The following PDK2 variants were observed in gnomAD, a reference collection of about 807,000 sequenced individuals.
PDK2 encodes pyruvate dehydrogenase kinase, isozyme 2.
A neutral mutation model predicts 50.4 loss-of-function variants in PDK2; 34 were observed. That is an observed-to-expected ratio of 0.68 (90% CI 0.51 to 0.90). The LOEUF (loss-of-function observed/expected upper bound fraction) is 0.90. Ranked by LOEUF, PDK2 falls within the 40% of genes least tolerant of loss-of-function variation. The pLI, the probability that PDK2 is intolerant of heterozygous loss-of-function variation, is 0.00. For synonymous variants in PDK2, 232 were observed against 216.0 expected (o/e 1.07, Z -0.65); for missense variants, 377 against 544.5 (o/e 0.69, Z 3.06).
chr17:50,095,566 C>A lies in PDK2; in HGVS notation c.118+13C>A, dbSNP rs1909889989. On this transcript the variant is annotated intron_variant, in intron 1 of 10. Coordinates refer to ENST00000503176, the MANE Select transcript of PDK2 (RefSeq NM_002611.5). ...TTTCTGGACTTCGGTACGGAGTGGG[C>A]GGGAGGCGGCTGGCAGCGGAGGCCG... 2 of 1,581,600 alleles carry A rather than the reference C, an allele frequency of 1.3e-6. No individual in the cohort carries two copies. Among genetic ancestry groups the A allele is most frequent in the South Asian group, 1.1e-5 (1 of 87,670 alleles).
At chr17:50,096,295 C>T (rs1049621670) in intron 1 of PDK2, 53 of 985,316 alleles carry the variant, frequency 5.4e-5, no homozygotes, top group South Asian at 4.7e-4. Context: ...AGGTCAGGAT[C>T]GCCCACTACC....
At position 50,095,380 on chromosome 17, in the gene PDK2, G is replaced by T. The variant is rs546276968; in HGVS notation, c.-56G>T. 2 of 1,329,976 alleles carry T rather than the reference G, an allele frequency of 1.5e-6. No individual in the cohort carries two copies. The highest frequency in any genetic ancestry group is 1.2e-5 in the South Asian group (1 of 80,622). 82.4% of individuals were successfully genotyped at this position (1,329,976 alleles called of 1,614,324 possible). A position where few individuals can be genotyped will look rare whatever the true frequency, so the allele number is the denominator to read the frequency against. The stretch of plus-strand genomic sequence containing the variant: ...GCCGAACCGCGTCGCTGGGCCGAAA[G>T]GTGCGCGAGCGCTGCCCGCGCGGGG... On this transcript the variant is annotated 5_prime_UTR_variant, in exon 1 of 11. It adds an upstream start codon to the 5' untranslated region. Transcript: ENST00000503176.
intron 6 of PDK2, 86 bp from the exon 7 acceptor site, chr17:50,108,070 T>A (rs1266382624): frequency 7.4e-6 from 8 of 1,082,270 alleles, no homozygotes; most frequent in Non-Finnish European, 4.2e-6. Flanking sequence ...CAGAACTTTG[T>A]GGGAGGGGGT....
chr17:50,108,122 GT>G (rs1193177842), intron 6 of PDK2, 33 bp from the exon 7 acceptor site: 2 of 1,560,330 alleles, frequency 1.3e-6, no homozygotes, highest in African/African-American at 2.7e-5. Flanking sequence ...CCTCCTGACG[GT>G]TTCCTGACCC....
chr17:50,097,735 C>A, intron 2 of PDK2, 171 bp downstream of exon 2: 1 of 654,592 alleles, frequency 1.5e-6, no homozygotes, highest in Non-Finnish European at 2.6e-6. Context: ...AATCTGAGGC[C>A]AGAGCAGGAC....
chr17:50,098,308 G>A (rs1441350641), intron 2 of PDK2, among the ~76,000 whole-genome samples: 1 of 152,186 alleles, frequency 6.6e-6, no homozygotes, highest in Non-Finnish European at 1.5e-5. Context: ...GTATGATATA[G>A]TTGTGATTTC....
chr17:50,095,318 T>A, upstream of PDK2: 1 of 654,392 alleles, frequency 1.5e-6, no homozygotes, highest in South Asian at 2.1e-5. Flanking sequence ...TGGCTGGGCG[T>A]TGGAATGCCC....
At chr17:50,097,332 C>T in intron 1 of PDK2, 91 bp from the exon 2 acceptor site, 2 of 1,363,428 alleles carry the variant, frequency 1.5e-6, no homozygotes, top group East Asian at 2.4e-5. Context: ...TCTGAGCCCC[C>T]TGTTAATGAA....
upstream of PDK2, chr17:50,095,300 G>T: frequency 5.0e-6 from 3 of 598,764 alleles, no homozygotes; most frequent in South Asian, 6.5e-5. Context: ...GCGCCATGAC[G>T]AGCCGATTGG....
At chr17:50,108,060 C>A in intron 6 of PDK2, 96 bp from the exon 7 acceptor site, 1 of 977,722 alleles carries the variant, frequency 1.0e-6, no homozygotes, top group Non-Finnish European at 1.6e-6. Flanking sequence ...GCCATGTACT[C>A]AGAACTTTGT....
At position 50,105,433 on chromosome 17, in the gene PDK2, C is replaced by T. The variant is rs1284623942; in HGVS notation, c.323C>T (p.Thr108Ile). The T allele has an allele frequency of 1.2e-6, 2 of 1,613,630 alleles. No homozygotes were observed. The highest frequency in any genetic ancestry group is 1.3e-5 in the African/African-American group (1 of 74,894). The change falls in exon 3 of 11, where the codon ACC becomes ATC. Residue 108 changes from threonine to isoleucine, a missense_variant. Transcript: ENST00000503176. Reference sequence around the variant, plus strand: ...GACAAGGATCCCGAGGACCATCGCACCCTGAGCCAGTGAGTGGGGGCCCTG... The same window carrying T: ...GACAAGGATCCCGAGGACCATCGCATCCTGAGCCAGTGAGTGGGGGCCCTG... ...FLDKDPEDHR[T>I]LSQFTDALVT...
At chr17:50,095,751 G>A (rs1909902159) in intron 1 of PDK2, 198 bp downstream of exon 1, 1 of 1,412,664 alleles carries the variant, frequency 7.1e-7, no homozygotes, top group Non-Finnish European at 9.2e-7. Context: ...ATGGGAATGG[G>A]GGGCATTTAC....
chr17:50,102,142 A>G lies in PDK2; in HGVS notation c.261-3229A>G, dbSNP rs1910265851. On this transcript the variant is annotated intron_variant, in intron 2 of 10. Transcript: ENST00000503176. The stretch of plus-strand genomic sequence containing the variant: ...GATCAAGAACCGGCCCAAGGTTGAC[A>G]TTTGGTGCACCAGGCCCCTGAGGGG... Among the ~76,000 whole-genome samples the G allele has an allele frequency of 2.0e-5, 3 of 152,146 alleles. 1 individual carries two copies. The South Asian group carries it at 6.2e-4, about 32-fold the overall frequency.
chr17:50,110,106 G>T lies in PDK2; in HGVS notation c.*9G>T. The stretch of plus-strand genomic sequence containing the variant: ...CGTACCGCGTCAGCTAAGGGCCGCC[G>T]TGCATCTGCACCTGAGAGGACGGAC... On this transcript the variant is annotated 3_prime_UTR_variant, in exon 11 of 11. Transcript: ENST00000503176. 1 of 1,591,478 alleles carries T rather than the reference G, an allele frequency of 6.3e-7. No homozygotes were observed. Among genetic ancestry groups the T allele is most frequent in the Middle Eastern group, 1.8e-4 (1 of 5,572 alleles).
chr17:50,108,076 G>A, intron 6 of PDK2, 80 bp from the exon 7 acceptor site: 2 of 1,148,762 alleles, frequency 1.7e-6, no homozygotes, highest in South Asian at 1.3e-5. Flanking sequence ...TTTGTGGGAG[G>A]GGGTGCCTCC....
At position 50,097,523 on chromosome 17, in the gene PDK2, C is replaced by T; in HGVS notation, c.219C>T (p.Asp73=). The change falls in exon 2 of 11, where the codon GAC becomes GAT. Residue 73 remains aspartate, a synonymous_variant. Transcript: ENST00000503176. ...TGAAAGAGATCAACCTGCTTCCCGA[C>T]CGAGTGCTGAGCACACCCTCCGTGC... ...NIMKEINLLP[D]RVLSTPSVQL... 6.2e-7 allele frequency: 1 copy of T among 1,613,860 alleles called. No homozygotes were observed. Among genetic ancestry groups the T allele is most frequent in the South Asian group, 1.1e-5 (1 of 91,084 alleles).
rs144791334 is a variant in PDK2 at position 50,105,453 on chromosome 17, G to A, written c.332+11G>A. On this transcript the variant is annotated intron_variant, in intron 3 of 10. Coordinates refer to ENST00000503176, the MANE Select transcript of PDK2 (RefSeq NM_002611.5). The stretch of plus-strand genomic sequence containing the variant: ...TCGCACCCTGAGCCAGTGAGTGGGG[G>A]CCCTGGGTGGGGCAGGAAGGCAGGT... 98 of 1,612,136 alleles carry A rather than the reference G, an allele frequency of 6.1e-5. No individual in the cohort carries two copies. The highest frequency in any genetic ancestry group is 2.7e-5 in the African/African-American group (2 of 74,960).
At chr17:50,096,408 T>G in intron 1 of PDK2, 8 of 556,024 alleles carry the variant, frequency 1.4e-5, no homozygotes, top group Non-Finnish European at 1.8e-5. Flanking sequence ...ATTTCCATGG[T>G]GCCAGCTGGG....
At chr17:50,106,642 G>T in intron 4 of PDK2, 152 bp from the exon 5 acceptor site, 1 of 677,498 alleles carries the variant, frequency 1.5e-6, no homozygotes, top group South Asian at 1.8e-5. Flanking sequence ...TCAGGGAAGG[G>T]AGGACAGAAG....
Sources: gnomAD v4.1 joint callset for allele counts (sites outside exome capture counted in the v4.1 genomes callset) on GRCh38, gnomAD v4.1.1 for gene constraint, MANE v1.5 for transcripts, NCBI Gene and HGNC (gene_info 2026-07-23, HGNC 2026-07-21) for gene names.